The following ZNF519 variants were observed in gnomAD, a reference collection of about 807,000 sequenced individuals.
ZNF519 encodes the protein similar to Zinc finger protein 85 (Zinc finger protein HPF4) (HTF1).
ZNF519 carries 7 observed loss-of-function variants against 7.4 expected under a neutral mutation model. The observed-to-expected ratio is 0.94, with a 90% confidence interval of 0.54 to 1.77. The LOEUF is 1.77. ZNF519 is among the 40% of genes most tolerant of loss of function. The pLI is 0.00. For missense variants in ZNF519, 586 were observed against 623.1 expected (o/e 0.94, Z 0.63); for synonymous variants, 179 against 203.3 (o/e 0.88, Z 1.02).
At chr18:14,086,707 C>T (rs2046091880) in intron 2 of ZNF519, among the ~76,000 whole-genome samples, 1 of 152,160 alleles carries the variant, frequency 6.6e-6, no homozygotes, top group Non-Finnish European at 1.5e-5. Flanking sequence ...CTCTGTAAGC[C>T]CCGCTCTAGT....
At chr18:14,106,502 C>T (rs2046193660) in intron 2 of ZNF519, 93 bp from the exon 3 acceptor site, 3 of 1,105,512 alleles carry the variant, frequency 2.7e-6, no homozygotes, top group Non-Finnish European at 3.7e-6. Context: ...AAGCTGAGAA[C>T]ATCAGCACAA....
intron 1 of ZNF519, among the ~76,000 whole-genome samples, chr18:14,126,282 G>A (rs1398083111): frequency 6.6e-6 from 1 of 152,186 alleles, no homozygotes; most frequent in Non-Finnish European, 1.5e-5. Flanking sequence ...TTCAGAGTTT[G>A]TGCAATTTTA....
At chr18:14,093,095 T>C (rs138456457) in intron 2 of ZNF519, among the ~76,000 whole-genome samples, 49 of 152,290 alleles carry the variant, frequency 3.2e-4, no homozygotes, top group African/African-American at 1.1e-3. Context: ...GGAGTGTCTT[T>C]CTCAAGAACG....
In ZNF519 at chr18:14,105,275, T is replaced by C. The variant is rs758940885; in HGVS notation, c.1265A>G (p.His422Arg). The C allele has an allele frequency of 6.2e-7, 1 of 1,613,874 alleles. No individual in the cohort carries two copies. Among genetic ancestry groups the C allele is most frequent in the East Asian group, 2.2e-5 (1 of 44,876 alleles). ...AFNRASHLTQ[H>R]QRIHTGEKHF... ...TTTCTCTCCAGTATGGATTCTCTGA[T>C]GTTGAGTAAGGTGTGAAGCTCTGTT... The change falls in exon 3 of 3, where the codon CAT (histidine) becomes CGT (arginine). Residue 422 changes from histidine to arginine, a missense_variant. By Grantham distance (29) the His-to-Arg change is conservative (BLOSUM62 0). Coordinates refer to ENST00000590202, the MANE Select transcript of ZNF519 (RefSeq NM_145287.4).
intron 2 of ZNF519, among the ~76,000 whole-genome samples, chr18:14,119,359 G>C (rs966708228): frequency 1.3e-5 from 2 of 152,274 alleles, no homozygotes; most frequent in African/African-American, 4.8e-5. Flanking sequence ...CTGAGGTCAC[G>C]GTCTGTAGGT....
chr18:14,081,412 A>G (rs554196517), intron 3 of ZNF519, among the ~76,000 whole-genome samples: 107 of 152,332 alleles, frequency 7.0e-4, no homozygotes, highest in Middle Eastern at 3.4e-3. Context: ...AATGAGGATT[A>G]CCTAATTGTT....
At chr18:14,114,355 T>G (rs1164375571) in intron 2 of ZNF519, among the ~76,000 whole-genome samples, 1 of 152,206 alleles carries the variant, frequency 6.6e-6, no homozygotes, top group Non-Finnish European at 1.5e-5. Context: ...CTTCTGAATA[T>G]GGATATTTAG....
At chr18:14,080,788 T>C (rs562038846) in intron 3 of ZNF519, among the ~76,000 whole-genome samples, 1 of 152,320 alleles carries the variant, frequency 6.6e-6, no homozygotes, top group South Asian at 2.1e-4. Flanking sequence ...AAGATGCTGT[T>C]CAGTAGATAA....
chr18:14,083,332 AG>A (rs1255222577), intron 3 of ZNF519, among the ~76,000 whole-genome samples: 1 of 152,178 alleles, frequency 6.6e-6, no homozygotes, highest in Non-Finnish European at 1.5e-5. Flanking sequence ...CCTGGGCAAC[AG>A]AGCAAGACTC....
At chr18:14,096,778 A>G (rs1896669180), downstream of ZNF519, among the ~76,000 whole-genome samples, 1 of 152,190 alleles carries the variant, frequency 6.6e-6, no homozygotes, top group Non-Finnish European at 1.5e-5. Context: ...CAAAACAGAA[A>G]ACAACAGTGG....
chr18:14,132,208 C>A (rs2046334211), intron 1 of ZNF519, 67 bp downstream of exon 1: 12 of 1,593,814 alleles, frequency 7.5e-6, no homozygotes, highest in Non-Finnish European at 1.0e-5. Flanking sequence ...GTCCCGTCAC[C>A]GCCATGTCCA....
At position 14,100,623 on chromosome 18, in the gene ZNF519, A is replaced by G. The variant is rs1280112330; in HGVS notation, c.*4294T>C. On this transcript the variant is annotated 3_prime_UTR_variant, in exon 3 of 3. Coordinates refer to ENST00000590202, the MANE Select transcript of ZNF519 (RefSeq NM_145287.4). The stretch of plus-strand genomic sequence containing the variant: ...TTTATATAACATTATTGGAATGACA[A>G]ATTTGCAGAAATAGAAATTAATGGT... 1.3e-5 allele frequency: 2 copies of G among 152,350 alleles called. No individual in the cohort carries two copies. The highest frequency in any genetic ancestry group is 3.4e-3 in the Middle Eastern group (1 of 294). The allele number at this position is 152,350 out of a possible 1,614,324, so 9.4% of individuals were successfully genotyped here.
intron 2 of ZNF519, among the ~76,000 whole-genome samples, chr18:14,116,728 T>C (rs2046247585): frequency 6.6e-6 from 1 of 152,180 alleles, no homozygotes; most frequent in African/African-American, 2.4e-5. Context: ...ATAGGGTGAC[T>C]GGGTGTGGTG....
At chr18:14,082,421 C>T (rs2046074025) in intron 3 of ZNF519, 1 of 152,090 alleles carries the variant, frequency 6.6e-6, no homozygotes, top group African/African-American at 2.4e-5. Context: ...ATTCACCGAA[C>T]TATTTTTTCA....
chr18:14,122,454 A>G (rs1186445389), intron 2 of ZNF519: 1 of 152,164 alleles, frequency 6.6e-6, no homozygotes, highest in Non-Finnish European at 1.5e-5. Context: ...TGCAAAAAGA[A>G]TATCTGAAAA....
downstream of ZNF519, among the ~76,000 whole-genome samples, chr18:14,096,931 C>T (rs2046139240): frequency 6.6e-6 from 1 of 152,098 alleles, no homozygotes; most frequent in Non-Finnish European, 1.5e-5. Context: ...AGGTTGTTGG[C>T]CATTTGGAAG....
intron 1 of ZNF519, among the ~76,000 whole-genome samples, chr18:14,130,585 A>C (rs372554709): frequency 0.038 from 5,653 of 148,788 alleles, 362 homozygotes; most frequent in African/African-American, 0.13. Context: ...GGGACTTTCT[A>C]TCACCCCCAT....
At chr18:14,099,140 C>T (rs2046149230), downstream of ZNF519, among the ~76,000 whole-genome samples, 1 of 152,104 alleles carries the variant, frequency 6.6e-6, no homozygotes, top group Admixed American at 6.6e-5. Context: ...GCCTCACCTC[C>T]CCTCTACTTC....
At chr18:14,125,403 A>AT in intron 1 of ZNF519, among the ~76,000 whole-genome samples, 1 of 152,214 alleles carries the variant, frequency 6.6e-6, no homozygotes, top group African/African-American at 2.4e-5. Flanking sequence ...TTATGTGTTA[A>AT]TTCTCATAAC....
Sources: gnomAD v4.1 joint callset for allele counts (sites outside exome capture counted in the v4.1 genomes callset) on GRCh38, gnomAD v4.1.1 for gene constraint, MANE v1.5 for transcripts, NCBI Gene and HGNC (gene_info 2026-07-23, HGNC 2026-07-21) for gene names.